PRAG1: variants seen among roughly 807,000 people sequenced by gnomAD.
PRAG1 encodes the protein PEAK1 related, kinase-activating pseudokinase 1.
In PRAG1, 110 loss-of-function variants were observed where a neutral mutation model predicts 95.6. The ratio of observed to expected loss-of-function variants is 1.15; its 90% CI spans 0.99 to 1.35. The LOEUF (loss-of-function observed/expected upper bound fraction) is 1.35, where lower values mean the gene tolerates loss of function less well. PRAG1 is among the 40% of genes most tolerant of loss of function. The probability of loss-of-function intolerance (pLI) is 0.00; values close to 1 mark genes in which losing one functional copy is unlikely to be tolerated. For synonymous variants in PRAG1, 1,052 were observed against 819.4 expected (o/e 1.28, Z -4.85); for missense variants, 2,554 against 1,864.7 (o/e 1.37, Z -6.81).
chr8:8,321,084 G>C (rs950146464), intron 5 of PRAG1, among the ~76,000 whole-genome samples: 1 of 152,180 alleles, frequency 6.6e-6, no homozygotes, highest in African/African-American at 2.4e-5. Flanking sequence ...TCTTATTCCG[G>C]ACTACCCAAC....
intron 3 of PRAG1, among the ~76,000 whole-genome samples, chr8:8,344,415 AC>A (rs1368373263): frequency 6.6e-6 from 1 of 152,244 alleles, no homozygotes; most frequent in Non-Finnish European, 1.5e-5. Context: ...GAGATTAAAA[AC>A]ATATAAGGAT....
chr8:8,378,587 C>T (rs183421596), intron 2 of PRAG1, among the ~76,000 whole-genome samples: 9 of 152,226 alleles, frequency 5.9e-5, no homozygotes, highest in Admixed American at 3.3e-4. Flanking sequence ...GAGCCAGATG[C>T]CGTGGCTCAT....
intron 3 of PRAG1, among the ~76,000 whole-genome samples, chr8:8,370,447 T>C (rs1800154589): frequency 6.6e-6 from 1 of 152,240 alleles, no homozygotes; most frequent in Admixed American, 6.5e-5. Context: ...TCAAAATGGC[T>C]AAACACAGTC....
intron 4 of PRAG1, among the ~76,000 whole-genome samples, chr8:8,333,195 C>G (rs115337676): frequency 0.013 from 1,905 of 152,276 alleles, 37 homozygotes; most frequent in African/African-American, 0.043. Context: ...TTTCTGGGAC[C>G]TTGGCCTATG....
intron 5 of PRAG1, 145 bp downstream of exon 5, chr8:8,327,565 T>C: frequency 2.0e-6 from 2 of 987,428 alleles, no homozygotes; most frequent in Non-Finnish European, 2.9e-6. Context: ...GTGAGACTCT[T>C]ATCTTACAAG....
chr8:8,334,455 T>C (rs1428387541), intron 4 of PRAG1, among the ~76,000 whole-genome samples: 1 of 151,656 alleles, frequency 6.6e-6, no homozygotes, highest in Non-Finnish European at 1.5e-5. Context: ...AAAGCATTTC[T>C]TTAAAAGAAA....
chr8:8,381,767 G>A lies in PRAG1; in HGVS notation c.-20C>T, dbSNP rs1276341753. 1 of 1,546,398 alleles carries A rather than the reference G, an allele frequency of 6.5e-7. No individual in the cohort carries two copies. The highest frequency in any genetic ancestry group is 8.8e-7 in the Non-Finnish European group (1 of 1,142,344). ...GTGCATCTTGAGCCGACAGGGTGCT[G>A]GTTCATCTTGCGCCCGGCTCTCTGG... On this transcript the variant is annotated 5_prime_UTR_variant, in exon 2 of 6. It introduces an in-frame stop codon into an upstream open reading frame of the 5' UTR. Coordinates refer to ENST00000615670, the MANE Select transcript of PRAG1 (RefSeq NM_001080826.3).
At position 8,319,016 on chromosome 8, in the gene PRAG1, C is replaced by A. The variant is rs748634119; in HGVS notation, c.3359G>T (p.Arg1120Leu). The A allele has an allele frequency of 3.1e-6, 5 of 1,613,414 alleles. No homozygotes were observed. The highest frequency in any genetic ancestry group is 3.4e-6 in the Non-Finnish European group (4 of 1,179,816). The change falls in exon 6 of 6, where the codon CGG becomes CTG. Residue 1120 changes from arginine to leucine, a missense_variant. By Grantham distance (102) the Arg-to-Leu change is moderately radical. Coordinates refer to ENST00000615670, the MANE Select transcript of PRAG1 (RefSeq NM_001080826.3). ...SHQAEPEAYE[R>L]RVCFLLLQLC... Reference sequence around the variant, plus strand: ...TTGCAGAAGCAGGAAGCACACGCGCCGCTCGTACGCCTCGGGCTCCGCCTG... The same window carrying A: ...TTGCAGAAGCAGGAAGCACACGCGCAGCTCGTACGCCTCGGGCTCCGCCTG...
intron 3 of PRAG1, among the ~76,000 whole-genome samples, chr8:8,345,446 G>C (rs1207759746): frequency 6.6e-6 from 1 of 151,980 alleles, no homozygotes; most frequent in Non-Finnish European, 1.5e-5. Context: ...GTTGTAAATG[G>C]GGATATAACA....
At position 8,381,860 on chromosome 8, in the gene PRAG1, T is replaced by C. The variant is rs1292229072; in HGVS notation, c.-87-26A>G. 3.7e-6 allele frequency: 3 copies of C among 805,902 alleles called. No individual in the cohort carries two copies. The East Asian group carries it at 8.2e-5, about 22-fold the overall frequency. The allele number at this position is 805,902 out of a possible 1,614,324, so 49.9% of individuals were successfully genotyped here. ...CTAGAAAGGCAGGACAGTTTCCTGATTAGAGATTTGCCATGCCAGACAATG... is the reference window on the plus strand; with the variant it reads ...CTAGAAAGGCAGGACAGTTTCCTGACTAGAGATTTGCCATGCCAGACAATG... On this transcript the variant is annotated intron_variant, in intron 1 of 5. Transcript: ENST00000615670.
chr8:8,376,785 G>T lies in PRAG1; in HGVS notation c.1624C>A (p.Pro542Thr). The change falls in exon 3 of 6, where the codon CCC (proline) becomes ACC (threonine). Residue 542 changes from proline (P) to threonine (T), a missense_variant. By Grantham distance (38) the Pro-to-Thr change is conservative (BLOSUM62 -1). Transcript: ENST00000615670. ...SASESKPKER[P>T]AIPPKLSKSS... ...TTGGACAACTTGGGGGGAATGGCGG[G>T]CCTCTCCTTGGGCTTGCTCTCGCTG... 1 of 1,611,024 alleles carries T rather than the reference G, an allele frequency of 6.2e-7. No individual in the cohort carries two copies. The highest frequency in any genetic ancestry group is 8.5e-7 in the Non-Finnish European group (1 of 1,179,898).
chr8:8,325,351 G>A (rs1233165697), intron 5 of PRAG1, among the ~76,000 whole-genome samples: 1 of 152,102 alleles, frequency 6.6e-6, no homozygotes, highest in Non-Finnish European at 1.5e-5. Context: ...TTTTTCACGT[G>A]GCACAGAGAC....
intron 1 of PRAG1, among the ~76,000 whole-genome samples, chr8:8,384,036 T>C (rs1800768123): frequency 6.6e-6 from 1 of 152,198 alleles, no homozygotes; most frequent in Admixed American, 6.5e-5. Flanking sequence ...CTCCCATGCC[T>C]GCTCCGCGGG....
At chr8:8,337,183 A>G (rs1416119631) in intron 4 of PRAG1, among the ~76,000 whole-genome samples, 1 of 152,202 alleles carries the variant, frequency 6.6e-6, no homozygotes, top group East Asian at 1.9e-4. Flanking sequence ...CACTACATTC[A>G]AGTTTCAAAG....
chr8:8,348,555 C>A (rs1435864923), intron 3 of PRAG1, among the ~76,000 whole-genome samples: 1 of 152,082 alleles, frequency 6.6e-6, no homozygotes, highest in African/African-American at 2.4e-5. Context: ...CAAGCAGGCT[C>A]GTCTTTGTCC....
intron 4 of PRAG1, among the ~76,000 whole-genome samples, chr8:8,333,475 T>C (rs2117130236): frequency 1.3e-5 from 2 of 152,364 alleles, no homozygotes; most frequent in Admixed American, 1.3e-4. Flanking sequence ...GGTGTCATTA[T>C]ATTTAGAAAG....
At chr8:8,383,901 G>A (rs1800764361) in intron 1 of PRAG1, among the ~76,000 whole-genome samples, 1 of 152,220 alleles carries the variant, frequency 6.6e-6, no homozygotes, top group Admixed American at 6.5e-5. Flanking sequence ...AAAAGCAGAG[G>A]AAGTATTCCA....
Position 8,377,665 on chromosome 8 carries a change from G to C in PRAG1, c.744C>G (p.Ser248Arg), listed in dbSNP as rs775260935. Residue 248 changes from serine to arginine, a missense_variant, in exon 3 of 6, where the codon AGC becomes AGG. By Grantham distance (110) the Ser-to-Arg change is moderately radical. Coordinates refer to ENST00000615670, the MANE Select transcript of PRAG1 (RefSeq NM_001080826.3). ...SDQRCSPSGD[S>R]EGGEYCSILD... ...GGATGGAGCAGTACTCTCCACCCTC[G>C]CTGTCCCCGGAGGGCGAGCACCTTT... The C allele has an allele frequency of 6.2e-7, 1 of 1,613,694 alleles. No individual in the cohort carries two copies. The highest frequency in any genetic ancestry group is 1.3e-5 in the African/African-American group (1 of 74,938).
At chr8:8,357,622 C>A (rs1268497571) in intron 3 of PRAG1, among the ~76,000 whole-genome samples, 1 of 152,142 alleles carries the variant, frequency 6.6e-6, no homozygotes, top group Non-Finnish European at 1.5e-5. Context: ...CTATGGAAAA[C>A]AGTAAGGCAG....
Sources: gnomAD v4.1 joint callset for allele counts (sites outside exome capture counted in the v4.1 genomes callset) on GRCh38, gnomAD v4.1.1 for gene constraint, MANE v1.5 for transcripts, NCBI Gene and HGNC (gene_info 2026-07-23, HGNC 2026-07-21) for gene names.